PTPRT: variants seen among roughly 807,000 people sequenced by gnomAD.
PTPRT encodes the protein protein tyrosine phosphatase receptor type T, also known as receptor-type tyrosine-protein phosphatase T.
A neutral mutation model predicts 176.8 loss-of-function variants in PTPRT; 56 were observed. That is an observed-to-expected ratio of 0.32 (90% CI 0.26 to 0.40). The LOEUF (loss-of-function observed/expected upper bound fraction) is 0.40, where lower values mean the gene tolerates loss of function less well. PTPRT is among the 10% of genes least tolerant of loss of function. PTPRT has a pLI of 1.00. For synonymous variants in PTPRT, 783 were observed against 739.0 expected (o/e 1.06, Z -0.96); for missense variants, 1,540 against 1,908.2 (o/e 0.81, Z 3.60).
chr20:42,103,841 T>C (rs2146249569), intron 25 of PTPRT, among the ~76,000 whole-genome samples: 1 of 152,346 alleles, frequency 6.6e-6, no homozygotes, highest in South Asian at 2.1e-4. Context: ...TTAAAAAACA[T>C]ATTCACAGTT....
chr20:42,914,254 T>G (rs544329153), intron 1 of PTPRT, among the ~76,000 whole-genome samples: 1 of 152,328 alleles, frequency 6.6e-6, no homozygotes, highest in South Asian at 2.1e-4. Flanking sequence ...GGTGGTATCT[T>G]TTCCAGTTCC....
chr20:43,149,529 A>G (rs926170394), intron 1 of PTPRT, among the ~76,000 whole-genome samples: 2 of 152,252 alleles, frequency 1.3e-5, no homozygotes, highest in African/African-American at 4.8e-5. Context: ...TAAGAGTGAA[A>G]GAGACAAGTG....
intron 9 of PTPRT, among the ~76,000 whole-genome samples, chr20:42,379,533 T>C (rs976385647): frequency 1.3e-5 from 2 of 152,216 alleles, no homozygotes; most frequent in Admixed American, 1.3e-4. Context: ...TTACTTTTCC[T>C]AGAGGCACCT....
chr20:42,453,969 G>A (rs1171924211), intron 8 of PTPRT, among the ~76,000 whole-genome samples: 1 of 151,990 alleles, frequency 6.6e-6, no homozygotes, highest in Admixed American at 6.6e-5. Flanking sequence ...AAAGTGCTGG[G>A]ATTATAGGTG....
intron 7 of PTPRT, among the ~76,000 whole-genome samples, chr20:42,649,846 C>T (rs927977036): frequency 1.3e-5 from 2 of 151,828 alleles, no homozygotes; most frequent in Admixed American, 6.5e-5. Flanking sequence ...CAGCACAGAG[C>T]CAATCAGAGC....
intron 5 of PTPRT, among the ~76,000 whole-genome samples, chr20:42,768,283 C>T (rs1195437094): frequency 6.6e-6 from 1 of 152,160 alleles, no homozygotes; most frequent in Non-Finnish European, 1.5e-5. Context: ...GAGCAGGGGA[C>T]TCTGCCATAG....
intron 2 of PTPRT, among the ~76,000 whole-genome samples, chr20:42,853,088 C>T (rs1210297202): frequency 1.3e-5 from 2 of 152,178 alleles, no homozygotes; most frequent in Non-Finnish European, 2.9e-5. Flanking sequence ...AAATCTCAGG[C>T]ACCCTTTGGT....
intron 4 of PTPRT, among the ~76,000 whole-genome samples, chr20:42,778,217 A>G (rs2077164901): frequency 6.6e-6 from 1 of 152,192 alleles, no homozygotes; most frequent in Admixed American, 6.5e-5. Flanking sequence ...TCTCCCATGG[A>G]GATTTATCAA....
chr20:42,259,345 G>C (rs2056705617), intron 13 of PTPRT, among the ~76,000 whole-genome samples: 1 of 152,144 alleles, frequency 6.6e-6, no homozygotes, highest in African/African-American at 2.4e-5. Flanking sequence ...TGGAAATAGA[G>C]GAAAACAGAC....
intron 12 of PTPRT, among the ~76,000 whole-genome samples, chr20:42,307,449 G>T (rs1280985379): frequency 6.6e-6 from 1 of 152,072 alleles, no homozygotes; most frequent in Non-Finnish European, 1.5e-5. Context: ...AACCAATATA[G>T]GAGTTTTCAA....
chr20:42,544,648 C>A (rs2072641995), intron 7 of PTPRT, among the ~76,000 whole-genome samples: 1 of 152,144 alleles, frequency 6.6e-6, no homozygotes, highest in African/African-American at 2.4e-5. Context: ...ACTTTCCACT[C>A]CTCTCTCAGG....
intron 29 of PTPRT, 64 bp downstream of exon 29, chr20:42,084,618 C>A: frequency 7.6e-7 from 1 of 1,317,828 alleles, no homozygotes; most frequent in African/African-American, 1.5e-5. Flanking sequence ...TGGCCAGCAG[C>A]ATCTGCAAGG....
intron 9 of PTPRT, among the ~76,000 whole-genome samples, chr20:42,425,355 C>T (rs1303875491): frequency 1.3e-5 from 2 of 152,198 alleles, no homozygotes; most frequent in African/African-American, 2.4e-5. Flanking sequence ...GCCCATTCTA[C>T]TCGGTGACTT....
intron 9 of PTPRT, among the ~76,000 whole-genome samples, chr20:42,446,662 C>T (rs979555901): frequency 3.6e-5 from 5 of 138,346 alleles, no homozygotes; most frequent in Non-Finnish European, 7.9e-5. Context: ...TTACAAAGAA[C>T]ATGTAGATTT....
intron 15 of PTPRT, among the ~76,000 whole-genome samples, chr20:42,201,820 C>A (rs1294163351): frequency 6.7e-6 from 1 of 150,124 alleles, no homozygotes; most frequent in South Asian, 2.1e-4. Context: ...CTGAACCCAA[C>A]AAGTCAGAAG....
At chr20:42,840,234 C>T (rs1157787974) in intron 2 of PTPRT, among the ~76,000 whole-genome samples, 1 of 152,030 alleles carries the variant, frequency 6.6e-6, no homozygotes, top group Non-Finnish European at 1.5e-5. Flanking sequence ...ACGTTTTTCT[C>T]CATGTGTGTC....
chr20:42,773,102 C>T (rs2077086683), intron 4 of PTPRT, among the ~76,000 whole-genome samples: 1 of 152,222 alleles, frequency 6.6e-6, no homozygotes. Flanking sequence ...ACTCCAGGGT[C>T]TGCAGAAGGG....
intron 9 of PTPRT, among the ~76,000 whole-genome samples, chr20:42,438,913 T>A (rs1002948489): frequency 1.3e-5 from 2 of 152,220 alleles, no homozygotes; most frequent in Admixed American, 6.5e-5. Context: ...GCAATCCTAA[T>A]ATACCACAAG....
intron 11 of PTPRT, among the ~76,000 whole-genome samples, chr20:42,318,828 C>T (rs1172350995): frequency 6.6e-6 from 1 of 152,168 alleles, no homozygotes; most frequent in Non-Finnish European, 1.5e-5. Flanking sequence ...TAAATTGAGA[C>T]CCCCGAAGCC....
Sources: allele counts gnomAD v4.1 joint callset (sites outside exome capture counted in the v4.1 genomes callset), GRCh38; gene constraint gnomAD v4.1.1; transcripts MANE v1.5; gene names NCBI Gene and HGNC (gene_info 2026-07-23, HGNC 2026-07-21).